PCDHA5: variants seen among roughly 807,000 people sequenced by gnomAD.
PCDHA5 encodes protocadherin alpha-5.
A neutral mutation model predicts 61.6 loss-of-function variants in PCDHA5; 43 were observed. The observed-to-expected ratio is 0.70, with a 90% CI of 0.55 to 0.90. The LOEUF is 0.90. PCDHA5 is among the 40% of genes least tolerant of loss of function. The pLI is 0.00. For missense variants in PCDHA5, 1,298 were observed against 1,222.7 expected (o/e 1.06, Z -0.92); for synonymous variants, 627 against 543.9 (o/e 1.15, Z -2.13).
Position 140,851,840 on chromosome 5 carries a change from T to C in PCDHA5, c.2352+27713T>C. ...AGAAATCTGTTTTTTTAAAAATATCTTTTTCTCCTCTCAGCTCATACATAA... is the reference window on the plus strand; with the variant it reads ...AGAAATCTGTTTTTTTAAAAATATCCTTTTCTCCTCTCAGCTCATACATAA... On this transcript the variant is annotated intron_variant, in intron 1 of 3. Coordinates refer to ENST00000529859, the MANE Select transcript of PCDHA5 (RefSeq NM_018908.3). 3 of 970,528 alleles carry C rather than the reference T, an allele frequency of 3.1e-6. 1 individual carries two copies. The highest frequency in any genetic ancestry group is 3.7e-6 in the Non-Finnish European group (3 of 803,428). The allele number at this position is 970,528 out of a possible 1,614,324, so 60.1% of individuals were successfully genotyped here.
Position 140,968,978 on chromosome 5 carries a change from G to T in PCDHA5, c.2353-9971G>T, listed in dbSNP as rs782147151. ...CAAGTGCTACCGCTACACTGCGTATGGCACTGCATGCTGTGGAGGCTTCTG... is the reference window on the plus strand; with the variant it reads ...CAAGTGCTACCGCTACACTGCGTATTGCACTGCATGCTGTGGAGGCTTCTG... On this transcript the variant is annotated intron_variant, in intron 1 of 3. Coordinates refer to ENST00000529859, the MANE Select transcript of PCDHA5 (RefSeq NM_018908.3). The T allele has an allele frequency of 8.7e-6, 14 of 1,614,212 alleles. No homozygotes were observed. Among genetic ancestry groups the T allele is most frequent in the Non-Finnish European group, 1.2e-5 (14 of 1,180,042 alleles).
At chr5:140,909,835 C>T (rs1554193946) in intron 1 of PCDHA5, among the ~76,000 whole-genome samples, 2 of 152,068 alleles carry the variant, frequency 1.3e-5, no homozygotes, top group Non-Finnish European at 2.9e-5. Context: ...AACTGGAGGA[C>T]CACCAGGACG....
chr5:140,877,326 G>T (rs781931363), intron 1 of PCDHA5: 1 of 1,613,964 alleles, frequency 6.2e-7, no homozygotes, highest in East Asian at 2.2e-5. Flanking sequence ...CGGTCGGCGC[G>T]CACATCCCGT....
intron 1 of PCDHA5, among the ~76,000 whole-genome samples, chr5:140,941,460 C>T (rs530075226): frequency 4.6e-4 from 69 of 151,184 alleles, no homozygotes; most frequent in African/African-American, 1.6e-3. Context: ...GGATTACAGG[C>T]GCCCACCACC....
intron 1 of PCDHA5, among the ~76,000 whole-genome samples, chr5:140,833,934 C>T (rs2150212235): frequency 1.3e-5 from 2 of 152,148 alleles, no homozygotes; most frequent in Admixed American, 1.3e-4. Context: ...CATGTTGTCA[C>T]TTAGGTTTCT....
chr5:140,949,537 C>T (rs1359504503), intron 1 of PCDHA5, among the ~76,000 whole-genome samples: 4 of 151,692 alleles, frequency 2.6e-5, no homozygotes, highest in African/African-American at 7.3e-5. Context: ...CATAAAATAT[C>T]GATTTGTTGC....
At chr5:140,892,236 C>T (rs1490048562) in intron 1 of PCDHA5, among the ~76,000 whole-genome samples, 3 of 152,140 alleles carry the variant, frequency 2.0e-5, no homozygotes, top group African/African-American at 7.2e-5. Context: ...TTTGTCTCCA[C>T]ATAAACCTGG....
intron 1 of PCDHA5, among the ~76,000 whole-genome samples, chr5:140,911,647 G>A (rs1554194849): frequency 2.0e-5 from 3 of 152,160 alleles, no homozygotes; most frequent in African/African-American, 7.2e-5. Flanking sequence ...ATTACATATA[G>A]AGTTACTAAA....
Position 140,843,518 on chromosome 5 carries a change from C to G in PCDHA5, c.2352+19391C>G, listed in dbSNP as rs2150361647. On this transcript the variant is annotated intron_variant, in intron 1 of 3. Transcript: ENST00000529859. ...AGCACTGCCCACTGAGGGCGGGTGC[C>G]GGGCGGGCAAGCCCACTCTGGTGTG... 99 of 1,595,534 alleles carry G rather than the reference C, an allele frequency of 6.2e-5. 6 individuals are homozygous for G. The highest frequency in any genetic ancestry group is 1.7e-4 in the Middle Eastern group (1 of 5,992).
chr5:140,863,564 A>G (rs1426185409), intron 1 of PCDHA5: 3 of 374,440 alleles, frequency 8.0e-6, no homozygotes, highest in Non-Finnish European at 1.6e-5. Context: ...ATTTTTGAGA[A>G]TATAAGTACT....
chr5:140,890,419 A>G (rs1168983784), intron 1 of PCDHA5, among the ~76,000 whole-genome samples: 4 of 152,212 alleles, frequency 2.6e-5, no homozygotes, highest in Non-Finnish European at 5.9e-5. Context: ...ATATTTATTT[A>G]GTTTATATTT....
chr5:141,008,654 C>T (rs1554261865), intron 3 of PCDHA5, among the ~76,000 whole-genome samples: 1 of 152,124 alleles, frequency 6.6e-6, no homozygotes, highest in Non-Finnish European at 1.5e-5. Context: ...TTCTGGAGTC[C>T]CACAATACTT....
intron 3 of PCDHA5, among the ~76,000 whole-genome samples, chr5:141,008,665 T>A (rs2098385671): frequency 6.6e-6 from 1 of 152,210 alleles, no homozygotes; most frequent in Non-Finnish European, 1.5e-5. Context: ...CACAATACTT[T>A]ACATATACTT....
At chr5:140,842,458 A>G (rs1777969478) in intron 1 of PCDHA5, 4 of 1,613,788 alleles carry the variant, frequency 2.5e-6, no homozygotes, top group Non-Finnish European at 3.4e-6. Flanking sequence ...ACCTCGATTC[A>G]GGTGCCAACG....
At chr5:140,979,868 C>T (rs1554241158) in intron 2 of PCDHA5, among the ~76,000 whole-genome samples, 1 of 152,160 alleles carries the variant, frequency 6.6e-6, no homozygotes. Context: ...AATATCTGGG[C>T]AACTATCAAG....
intron 1 of PCDHA5, among the ~76,000 whole-genome samples, chr5:140,937,417 A>T (rs1226073587): frequency 5.3e-5 from 8 of 152,154 alleles, no homozygotes; most frequent in African/African-American, 1.9e-4. Context: ...CTTTTATTAG[A>T]TAGCTGATAT....
At chr5:140,869,020 T>C in intron 1 of PCDHA5, 8 of 1,525,458 alleles carry the variant, frequency 5.2e-6, no homozygotes, top group Non-Finnish European at 7.0e-6. Flanking sequence ...TTCTTAAGAA[T>C]TCAACGAGAT....
At chr5:140,928,942 T>G in intron 1 of PCDHA5, 1 of 1,614,062 alleles carries the variant, frequency 6.2e-7, no homozygotes, top group Non-Finnish European at 8.5e-7. Flanking sequence ...GAACTTGTAT[T>G]TAGTAATTGC....
At chr5:140,928,469 A>G in intron 1 of PCDHA5, 1 of 1,614,144 alleles carries the variant, frequency 6.2e-7, no homozygotes, top group Non-Finnish European at 8.5e-7. Context: ...TTCCAAGTAG[A>G]AGGCCGGGAT....
Sources: allele counts gnomAD v4.1 joint callset (sites outside exome capture counted in the v4.1 genomes callset), GRCh38; gene constraint gnomAD v4.1.1; transcripts MANE v1.5; gene names NCBI Gene and HGNC (gene_info 2026-07-23, HGNC 2026-07-21).